PREPL: variants seen among roughly 807,000 people sequenced by gnomAD.
PREPL encodes the protein prolyl endopeptidase like, also known as prolyl endopeptidase-like.
PREPL carries 77 observed loss-of-function variants against 70.6 expected under a neutral mutation model. The observed-to-expected ratio is 1.09, with a 90% CI of 0.91 to 1.32. The LOEUF (loss-of-function observed/expected upper bound fraction) is 1.32, where lower values mean the gene tolerates loss of function less well. PREPL is among the 40% of genes most tolerant of loss of function. The pLI is 0.00. For synonymous variants in PREPL, 315 were observed against 264.8 expected (o/e 1.19, Z -1.84); for missense variants, 1,002 against 778.2 (o/e 1.29, Z -3.42).
rs1182068499 is a variant in PREPL at position 44,317,886 on chromosome 2, ACT to A, written c.*3468_*3469del. The A allele has an allele frequency of 4.5e-6, 1 of 221,798 alleles. No homozygotes were observed. Among genetic ancestry groups the A allele is most frequent in the African/African-American group, 2.4e-5 (1 of 42,032 alleles). The allele number at this position is 221,798 out of a possible 1,614,324, so 13.7% of individuals were successfully genotyped here. A position where few individuals can be genotyped will look rare whatever the true frequency, so the allele number is the denominator to read the frequency against. ...AATTAGCCTATTAAAAGATAAAACC[ACT>A]CAGATAACAAAAACAGACATAAGAA... On this transcript the variant is annotated 3_prime_UTR_variant, in exon 14 of 14. Transcript: ENST00000409411.
intron 5 of PREPL, among the ~76,000 whole-genome samples, chr2:44,339,588 CATAA>C (rs899152875): frequency 3.5e-4 from 53 of 152,278 alleles, no homozygotes; most frequent in African/African-American, 1.3e-3. Context: ...AACATTTTAT[CATAA>C]ATGTTTTTCA....
intron 2 of PREPL, 131 bp from the exon 3 acceptor site, chr2:44,344,717 T>C (rs1452749144): frequency 1.2e-5 from 7 of 577,398 alleles, no homozygotes; most frequent in African/African-American, 1.9e-5. Context: ...AATGAACACA[T>C]ATGAAATATA....
rs372182011 is a variant in PREPL at position 44,359,615 on chromosome 2, G to A, written c.-49+1765C>T. ...TTTTATTCTATTGTAACAATGATCAGCGAAGTTATAGTGATTCAAATGCTG... is the reference window on the plus strand; with the variant it reads ...TTTTATTCTATTGTAACAATGATCAACGAAGTTATAGTGATTCAAATGCTG... On this transcript the variant is annotated intron_variant, in intron 1 of 13. Coordinates refer to ENST00000409411, the MANE Select transcript of PREPL (RefSeq NM_001171613.2). 2.7e-5 allele frequency: 44 copies of A among 1,611,154 alleles called. No homozygotes were observed. The highest frequency in any genetic ancestry group is 3.5e-5 in the Non-Finnish European group (41 of 1,177,462).
At chr2:44,341,732 AAAAAG>A (rs1245108889) in intron 5 of PREPL, among the ~76,000 whole-genome samples, 1 of 151,816 alleles carries the variant, frequency 6.6e-6, no homozygotes, top group Non-Finnish European at 1.5e-5. Flanking sequence ...ACAAAAAGAA[AAAAAG>A]AAAAGTAAAA....
At chr2:44,361,000 G>A (rs933164968) in intron 1 of PREPL, among the ~76,000 whole-genome samples, 1 of 152,110 alleles carries the variant, frequency 6.6e-6, no homozygotes, top group South Asian at 2.1e-4. Context: ...GGGTAGGGGA[G>A]CAACACTAGT....
At position 44,320,436 on chromosome 2, in the gene PREPL, A is replaced by T; in HGVS notation, c.*920T>A. 6.2e-7 allele frequency: 1 copy of T among 1,614,124 alleles called. No homozygotes were observed. On this transcript the variant is annotated 3_prime_UTR_variant, in exon 14 of 14. Transcript: ENST00000409411. ...GATTTCGGGCCTTCCCGCTAAAATG[A>T]GAATAAGGTTAAGTACCAATTCTGC...
rs1232611906 is a variant in PREPL at position 44,320,669 on chromosome 2, C to T, written c.*687G>A. 1 of 1,544,332 alleles carries T rather than the reference C, an allele frequency of 6.5e-7. No homozygotes were observed. The highest frequency in any genetic ancestry group is 2.2e-5 in the East Asian group (1 of 44,560). ...CTTTATGAAGAGATGAAGACACTGGCATTTCAGTGGGATTGTAAGCATTTG... is the reference window on the plus strand; with the variant it reads ...CTTTATGAAGAGATGAAGACACTGGTATTTCAGTGGGATTGTAAGCATTTG... On this transcript the variant is annotated 3_prime_UTR_variant, in exon 14 of 14. Transcript: ENST00000409411.
chr2:44,325,861 G>C lies in PREPL; in HGVS notation c.1479+851C>G, dbSNP rs116147890. ...CTAGAAGTAGGAGAATGATAGCAGT[G>C]AAACCAACTGCTACAATGTAACTTC... On this transcript the variant is annotated intron_variant, in intron 10 of 13. Coordinates refer to ENST00000409411, the MANE Select transcript of PREPL (RefSeq NM_001171613.2). 4.9e-3 allele frequency among the ~76,000 whole-genome samples: 740 copies of C among 152,312 alleles called. 8 individuals are homozygous for C. Among genetic ancestry groups the C allele is most frequent in the African/African-American group, 0.017 (713 of 41,570 alleles).
Position 44,342,450 on chromosome 2 carries a change from C to T in PREPL, c.452G>A (p.Arg151His), listed in dbSNP as rs1490062103. 1.2e-5 allele frequency: 19 copies of T among 1,613,042 alleles called. No homozygotes were observed. The highest frequency in any genetic ancestry group is 2.7e-5 in the African/African-American group (2 of 74,826). The change falls in exon 5 of 14, where the codon CGT becomes CAT. Residue 151 changes from arginine (R) to histidine (H), a missense_variant. Physicochemically the swap from Arg to His is conservative, Grantham distance 29. Transcript: ENST00000409411. ...VYRATFGDNK[R>H]NERFYTEKDP... ...TTTTTCTGTGTAAAAGCGTTCATTA[C>T]GTTTGTTATCACCAAAAGTGGCTCG...
chr2:44,340,390 G>A (rs1198329969), intron 5 of PREPL, among the ~76,000 whole-genome samples: 1 of 151,964 alleles, frequency 6.6e-6, no homozygotes, highest in African/African-American at 2.4e-5. Context: ...AACATAATGA[G>A]TGGCTTTAAA....
rs1300596001 is a variant in PREPL at position 44,318,779 on chromosome 2, T to G, written c.*2577A>C. On this transcript the variant is annotated 3_prime_UTR_variant, in exon 14 of 14. Coordinates refer to ENST00000409411, the MANE Select transcript of PREPL (RefSeq NM_001171613.2). ...TTACAAAAATCAGGCTTGGAAGTAT[T>G]TAATAGCAGACAAAATATAGTTCAA... 1 of 152,198 alleles carries G rather than the reference T, an allele frequency of 6.6e-6. No homozygotes were observed. Among genetic ancestry groups the G allele is most frequent in the East Asian group, 1.9e-4 (1 of 5,208 alleles). The allele number at this position is 152,198 out of a possible 1,614,324, so 9.4% of individuals were successfully genotyped here.
chr2:44,355,540 C>G (rs1446606712), intron 1 of PREPL, among the ~76,000 whole-genome samples: 1 of 152,040 alleles, frequency 6.6e-6, no homozygotes, highest in Non-Finnish European at 1.5e-5. Context: ...CAGAGTGAGA[C>G]ACTGTCTCAA....
chr2:44,322,418 A>C (rs1488336338), intron 12 of PREPL, among the ~76,000 whole-genome samples: 1 of 152,216 alleles, frequency 6.6e-6, no homozygotes, highest in Non-Finnish European at 1.5e-5. Flanking sequence ...ATAACGGCTC[A>C]ATAAATATTG....
intron 4 of PREPL, among the ~76,000 whole-genome samples, chr2:44,343,208 T>C (rs1158649944): frequency 2.6e-5 from 4 of 152,142 alleles, no homozygotes; most frequent in Non-Finnish European, 4.4e-5. Context: ...ATGGAGAAAA[T>C]GATGGCTGAA....
intron 7 of PREPL, among the ~76,000 whole-genome samples, chr2:44,335,643 A>G (rs1674560876): frequency 6.6e-6 from 1 of 152,198 alleles, no homozygotes; most frequent in Non-Finnish European, 1.5e-5. Flanking sequence ...AGAAAGGCAA[A>G]GATTTTATGA....
chr2:44,344,464 A>T, intron 3 of PREPL, 56 bp downstream of exon 3: 1 of 1,229,342 alleles, frequency 8.1e-7, no homozygotes, highest in Non-Finnish European at 1.1e-6. Context: ...TAAATTTCCT[A>T]TAAAAAATAT....
chr2:44,329,914 G>A (rs74904752), intron 8 of PREPL, among the ~76,000 whole-genome samples: 2 of 152,092 alleles, frequency 1.3e-5, no homozygotes, highest in Non-Finnish European at 1.5e-5. Context: ...TTAAACTAAT[G>A]AAATAGCACC....
intron 1 of PREPL, chr2:44,356,237 T>C (rs539545213): frequency 6.6e-6 from 1 of 152,232 alleles, no homozygotes; most frequent in East Asian, 1.9e-4. Flanking sequence ...TTACCTGATG[T>C]GAACTTCAAA....
At chr2:44,355,042 T>G (rs188387478) in intron 1 of PREPL, among the ~76,000 whole-genome samples, 30 of 152,308 alleles carry the variant, frequency 2.0e-4, no homozygotes, top group Non-Finnish European at 3.5e-4. Flanking sequence ...TCTAATCAAA[T>G]GCAGTAACAT....
Sources: gnomAD v4.1 joint callset for allele counts (sites outside exome capture counted in the v4.1 genomes callset) on GRCh38, gnomAD v4.1.1 for gene constraint, MANE v1.5 for transcripts, NCBI Gene and HGNC (gene_info 2026-07-23, HGNC 2026-07-21) for gene names.